The following FAT2 variants were observed in gnomAD, a reference collection of about 807,000 sequenced individuals.
The protein encoded by FAT2 is protocadherin Fat 2.
Under a neutral mutation model 295.3 loss-of-function variants are expected in FAT2, and 150 were observed. That is an observed-to-expected ratio of 0.51 (90% CI 0.44 to 0.58). FAT2 has a LOEUF of 0.58. Ranked by LOEUF, FAT2 falls within the 20% of genes least tolerant of loss-of-function variation. The pLI, the probability that FAT2 is intolerant of heterozygous loss-of-function variation, is 0.00. For missense variants in FAT2, 4,868 were observed against 5,442.7 expected (o/e 0.89, Z 3.32); for synonymous variants, 2,026 against 2,150.3 (o/e 0.94, Z 1.60).
At position 151,529,228 on chromosome 5, in the gene FAT2, A is replaced by G. The variant is rs1451817921; in HGVS notation, c.9976T>C (p.Tyr3326His). The G allele has an allele frequency of 1.9e-6, 3 of 1,613,914 alleles. No individual in the cohort carries two copies. The highest frequency in any genetic ancestry group is 1.7e-6 in the Non-Finnish European group (2 of 1,180,004). The change falls in exon 15 of 24, where the codon TAT (tyrosine) becomes CAT (histidine). Residue 3326 changes from tyrosine (Y) to histidine (H), a missense_variant. By Grantham distance (83) the Tyr-to-His change is moderately conservative (BLOSUM62 2). Around this residue, in one of 5 missense-constraint regions of FAT2, gnomAD observed 1,046 missense variants for 1,210.1 expected, o/e 0.86. Transcript: ENST00000261800. Reference protein sequence around the residue: ...EHRPQFPQDPYSTRVLENALV... With the variant: ...EHRPQFPQDPHSTRVLENALV... Reference sequence around the variant, plus strand: ...GCATTCTCTAAGACCCTTGTGCTATATGGATCTTGGGGGAATTGGGGCCGG... The same window carrying G: ...GCATTCTCTAAGACCCTTGTGCTATGTGGATCTTGGGGGAATTGGGGCCGG...
chr5:151,510,270 T>C (rs938563831), intron 21 of FAT2, 96 bp from the exon 22 acceptor site: 2 of 1,378,444 alleles, frequency 1.5e-6, no homozygotes, highest in Admixed American at 3.7e-5. Flanking sequence ...AGCCGTTCAG[T>C]TACCATTTAT....
intron 1 of FAT2, among the ~76,000 whole-genome samples, chr5:151,582,309 C>G (rs1346345855): frequency 6.6e-6 from 1 of 152,252 alleles, no homozygotes; most frequent in Non-Finnish European, 1.5e-5. Flanking sequence ...AAGGTAACTG[C>G]TCCACCCAGC....
chr5:151,545,261 T>C lies in FAT2; in HGVS notation c.5866A>G (p.Ile1956Val). Residue 1956 changes from isoleucine (I) to valine (V), a missense_variant, in exon 10 of 24, where the codon ATT (isoleucine) becomes GTT (valine). This residue lies in a region of FAT2 where 3,297 missense variants were observed against 3,669.4 expected (regional missense o/e 0.90). Coordinates refer to ENST00000261800, the MANE Select transcript of FAT2 (RefSeq NM_001447.3). ...GLYQDTALVK[I>V]SLTQVLDKSL... Reference sequence around the variant, plus strand: ...TTGTCAAGCACTTGGGTCAAAGAAATTTTTACCAGCGCAGTGTCTTGATAC... The same window carrying C: ...TTGTCAAGCACTTGGGTCAAAGAAACTTTTACCAGCGCAGTGTCTTGATAC... The C allele has an allele frequency of 6.2e-7, 1 of 1,614,086 alleles. No homozygotes were observed. The highest frequency in any genetic ancestry group is 8.5e-7 in the Non-Finnish European group (1 of 1,180,008).
intron 1 of FAT2, among the ~76,000 whole-genome samples, chr5:151,590,162 C>A (rs1014828116): frequency 6.6e-6 from 1 of 152,212 alleles, no homozygotes; most frequent in Non-Finnish European, 1.5e-5. Context: ...TGTAATAACT[C>A]TTAGTAGCAA....
At position 151,545,096 on chromosome 5, in the gene FAT2, T is replaced by C. The variant is rs138872401; in HGVS notation, c.6031A>G (p.Met2011Val). 6.2e-7 allele frequency: 1 copy of C among 1,614,144 alleles called. No homozygotes were observed. Among genetic ancestry groups the C allele is most frequent in the Admixed American group, 1.7e-5 (1 of 60,026 alleles). Residue 2011 changes from methionine (M) to valine (V), a missense_variant, in exon 10 of 24, where the codon ATG becomes GTG. Coordinates refer to ENST00000261800, the MANE Select transcript of FAT2 (RefSeq NM_001447.3). ...CCTGCTGACTGGACCATATGAAACA[T>C]ATCTGTGCCATTCAAGAGAAAGTAG... The part of the protein sequence containing the change: ...LSYFLLNGTD[M>V]FHMVQSAGVL...
intron 11 of FAT2, among the ~76,000 whole-genome samples, chr5:151,538,694 T>G (rs1287889964): frequency 2.6e-5 from 4 of 152,186 alleles, no homozygotes; most frequent in Admixed American, 2.6e-4. Flanking sequence ...TTTCTCTTTT[T>G]TGAGACAGAG....
At chr5:151,591,431 A>G (rs1161288027), upstream of FAT2, among the ~76,000 whole-genome samples, 1 of 152,182 alleles carries the variant, frequency 6.6e-6, no homozygotes, top group African/African-American at 2.4e-5. Context: ...GGAGGGAGGA[A>G]GCCAACTGGT....
chr5:151,568,790 GAGA>G lies in FAT2; in HGVS notation c.139_141del (p.Ser47del). 1.2e-6 allele frequency: 2 copies of G among 1,614,166 alleles called. No homozygotes were observed. The highest frequency in any genetic ancestry group is 1.7e-6 in the Non-Finnish European group (2 of 1,180,034). ...TCGAAGCTCTCCACATAGGTCTTGGGAGAAGAATTTTCATAGATGGTGGCATTG... is the reference window on the plus strand; with the variant it reads ...TCGAAGCTCTCCACATAGGTCTTGGGAGAATTTTCATAGATGGTGGCATTG... On this transcript the variant is annotated inframe_deletion, in exon 2 of 24. Coordinates refer to ENST00000261800, the MANE Select transcript of FAT2 (RefSeq NM_001447.3).
In FAT2 at chr5:151,512,675, A is replaced by C; in HGVS notation, c.11464-69T>G. 1 of 1,366,670 alleles carries C rather than the reference A, an allele frequency of 7.3e-7. No homozygotes were observed. Among genetic ancestry groups the C allele is most frequent in the Non-Finnish European group, 9.9e-7 (1 of 1,005,264 alleles). The allele number at this position is 1,366,670 out of a possible 1,614,324, so 84.7% of individuals were successfully genotyped here. A position where few individuals can be genotyped will look rare whatever the true frequency, so the allele number is the denominator to read the frequency against. ...CTTGTAAACCTGCTAAGAGGCTGCC[A>C]GTTCAAAGAATGTTGTTTGTATTTT... On this transcript the variant is annotated intron_variant, in intron 20 of 23. Coordinates refer to ENST00000261800, the MANE Select transcript of FAT2 (RefSeq NM_001447.3). The surrounding 1 kb of genome is among the most constrained non-coding windows in gnomAD (Gnocchi z 4.1).
intron 20 of FAT2, among the ~76,000 whole-genome samples, chr5:151,514,683 T>C (rs1311440810): frequency 6.6e-6 from 1 of 152,226 alleles, no homozygotes; most frequent in Non-Finnish European, 1.5e-5. Flanking sequence ...CTGAGATCCC[T>C]AATGCCTCCC....
rs201629483 is a variant in FAT2, at chr5:151,542,945, G to A, written c.8182C>T (p.Arg2728Trp). The change falls in exon 10 of 24, where the codon CGG becomes TGG. Residue 2728 changes from arginine (R) to tryptophan (W), a missense_variant. This residue lies in a region of FAT2 where 3,297 missense variants were observed against 3,669.4 expected (regional missense o/e 0.90). Transcript: ENST00000261800. ...TTGTTGCTCTCAGGTGTAGTGCCCC[G>A]CACTAGACTGTAGATGACTGGATCT... ...AQDPVIYSLVRGTTPESNKDG... is the reference protein window; with the variant it reads ...AQDPVIYSLVWGTTPESNKDG... The A allele has an allele frequency of 6.8e-5, 110 of 1,614,154 alleles. 1 individual carries two copies. The highest frequency in any genetic ancestry group is 4.1e-4 in the African/African-American group (31 of 75,022).
At chr5:151,594,318 C>A (rs1759509042), upstream of FAT2, among the ~76,000 whole-genome samples, 1 of 152,200 alleles carries the variant, frequency 6.6e-6, no homozygotes, top group Non-Finnish European at 1.5e-5. Context: ...TCCCTCCCTA[C>A]TCTATTGGAA....
At chr5:151,520,215 G>A (rs78072500) in intron 19 of FAT2, among the ~76,000 whole-genome samples, 25 of 152,376 alleles carry the variant, frequency 1.6e-4, no homozygotes, top group Non-Finnish European at 2.5e-4. Flanking sequence ...AGGCAGGAGC[G>A]CTGGTGAGCT....
intron 2 of FAT2, among the ~76,000 whole-genome samples, chr5:151,565,249 C>A (rs545271061): frequency 7.2e-5 from 11 of 151,818 alleles, no homozygotes; most frequent in African/African-American, 2.4e-4. Context: ...AGAATAGTGT[C>A]TATTATACTG....
rs757534854 is a variant in FAT2, at chr5:151,542,710, A to G, written c.8417T>C (p.Leu2806Pro). The G allele has an allele frequency of 6.2e-7, 1 of 1,614,234 alleles. No individual in the cohort carries two copies. The highest frequency in any genetic ancestry group is 1.1e-5 in the South Asian group (1 of 91,084). Residue 2806 changes from leucine to proline, a missense_variant, in exon 10 of 24, where the codon CTC becomes CCC. Physicochemically the swap from Leu to Pro is moderately conservative, Grantham distance 98. Transcript: ENST00000261800. ...GGTCCCCACTGGCATATTCTCAGTG[A>G]GGACAGCCTTATATGGATCAGCCTC... ...VFEADPYKAVLTENMPVGTSV... is the reference protein window; with the variant it reads ...VFEADPYKAVPTENMPVGTSV...
At chr5:151,558,275 T>C (rs1275230095) in intron 3 of FAT2, among the ~76,000 whole-genome samples, 2 of 152,132 alleles carry the variant, frequency 1.3e-5, no homozygotes, top group Non-Finnish European at 2.9e-5. Context: ...TCAAAATACA[T>C]TCTGTAGATG....
intron 1 of FAT2, among the ~76,000 whole-genome samples, chr5:151,570,026 G>T (rs909519173): frequency 6.6e-6 from 1 of 152,236 alleles, no homozygotes; most frequent in Non-Finnish European, 1.5e-5. Flanking sequence ...TAGGATTGTT[G>T]TGAAAATTCA....
chr5:151,539,035 C>A (rs1186153648), intron 11 of FAT2, among the ~76,000 whole-genome samples: 1 of 151,954 alleles, frequency 6.6e-6, no homozygotes, highest in Admixed American at 6.6e-5. Context: ...ATGCTGTGAA[C>A]CATCTCCGGG....
chr5:151,530,789 T>TG (rs1275289126), intron 14 of FAT2, among the ~76,000 whole-genome samples: 1 of 152,214 alleles, frequency 6.6e-6, no homozygotes, highest in Admixed American at 6.5e-5. Context: ...TGGATGGATG[T>TG]AGGGGCCAAA....
Sources: gnomAD v4.1 joint callset for allele counts (sites outside exome capture counted in the v4.1 genomes callset) on GRCh38, gnomAD v4.1.1 for gene constraint, gnomAD v4.1.1 regional missense constraint, Gnocchi (gnomAD v3.1) non-coding constraint, MANE v1.5 for transcripts, NCBI Gene and HGNC (gene_info 2026-07-23, HGNC 2026-07-21) for gene names.